The following MYO1D variants were observed in gnomAD, a reference collection of about 807,000 sequenced individuals.
MYO1D encodes the protein unconventional myosin-Id.
Under a neutral mutation model 122.0 loss-of-function variants are expected in MYO1D, and 83 were observed. The observed-to-expected ratio is 0.68, with a 90% CI of 0.57 to 0.82. The LOEUF is 0.82. Among genes scored for constraint, MYO1D ranks in the 40% least tolerant of loss-of-function variants. The pLI is 0.00. For synonymous variants in MYO1D, 464 were observed against 446.9 expected (o/e 1.04, Z -0.48); for missense variants, 1,157 against 1,269.5 (o/e 0.91, Z 1.35).
chr17:32,728,898 C>G (rs867684813), intron 14 of MYO1D, among the ~76,000 whole-genome samples: 9 of 152,140 alleles, frequency 5.9e-5, no homozygotes, highest in African/African-American at 2.2e-4. Flanking sequence ...CACTAACAAC[C>G]AACTAAGAAA....
chr17:32,747,155 T>C (rs2089846294), intron 12 of MYO1D, among the ~76,000 whole-genome samples: 1 of 152,236 alleles, frequency 6.6e-6, no homozygotes, highest in South Asian at 2.1e-4. Context: ...GCCATATTAT[T>C]TTATGGTCCT....
intron 1 of MYO1D, among the ~76,000 whole-genome samples, chr17:32,837,972 ATACTT>A (rs61309257): frequency 0.41 from 61,613 of 151,428 alleles, 12,757 homozygotes; most frequent in East Asian, 0.53. Flanking sequence ...TTTTCATATA[ATACTT>A]TACAACATTT....
chr17:32,728,674 C>G (rs765071567), intron 14 of MYO1D, among the ~76,000 whole-genome samples: 1 of 152,070 alleles, frequency 6.6e-6, no homozygotes, highest in Non-Finnish European at 1.5e-5. Context: ...AAGAAAAATA[C>G]TTCTGAACAA....
intron 12 of MYO1D, among the ~76,000 whole-genome samples, chr17:32,745,919 C>T (rs1242516618): frequency 6.6e-6 from 1 of 152,184 alleles, no homozygotes; most frequent in Admixed American, 6.5e-5. Context: ...CTCCCAGTGA[C>T]TGGCATGGAC....
chr17:32,842,840 G>T (rs146442872), intron 1 of MYO1D, among the ~76,000 whole-genome samples: 1 of 149,036 alleles, frequency 6.7e-6, no homozygotes, highest in African/African-American at 2.5e-5. Flanking sequence ...CAAGTTTTTC[G>T]TACTCAACAC....
At chr17:32,636,494 G>T (rs966200802) in intron 20 of MYO1D, among the ~76,000 whole-genome samples, 12 of 152,218 alleles carry the variant, frequency 7.9e-5, no homozygotes, top group African/African-American at 2.7e-4. Flanking sequence ...GACAGGTCTA[G>T]TTGGAAGTTC....
chr17:32,808,359 CCTGT>C (rs2090538209), intron 1 of MYO1D, among the ~76,000 whole-genome samples: 1 of 149,154 alleles, frequency 6.7e-6, no homozygotes, highest in South Asian at 2.1e-4. Flanking sequence ...TGGATGAGAG[CCTGT>C]CTCTTTAAAA....
intron 1 of MYO1D, among the ~76,000 whole-genome samples, chr17:32,793,380 C>G (rs1355847277): frequency 7.3e-5 from 11 of 149,832 alleles, no homozygotes; most frequent in African/African-American, 2.7e-4. Context: ...TCTCTCTGTT[C>G]CAGAAAAGAT....
chr17:32,760,734 A>T, intron 8 of MYO1D, 107 bp from the exon 9 acceptor site: 2 of 1,185,956 alleles, frequency 1.7e-6, no homozygotes, highest in Non-Finnish European at 2.4e-6. Context: ...TGTTTAGCAT[A>T]GCCATTACTG....
chr17:32,719,314 G>A (rs2089481744), intron 15 of MYO1D, among the ~76,000 whole-genome samples: 1 of 151,292 alleles, frequency 6.6e-6, no homozygotes, highest in African/African-American at 2.4e-5. Flanking sequence ...CCTGTTTCCT[G>A]GACTCCTGCA....
intron 20 of MYO1D, among the ~76,000 whole-genome samples, chr17:32,627,072 C>G (rs766252970): frequency 5.3e-5 from 8 of 152,056 alleles, no homozygotes; most frequent in Non-Finnish European, 1.2e-4. Context: ...TGTTATAACA[C>G]GCAGAACTAT....
intron 14 of MYO1D, among the ~76,000 whole-genome samples, chr17:32,730,464 T>C (rs933291889): frequency 5.9e-5 from 9 of 152,262 alleles, no homozygotes; most frequent in Non-Finnish European, 1.2e-4. Context: ...CTTAGTATAC[T>C]CTTCCTATTG....
intron 21 of MYO1D, among the ~76,000 whole-genome samples, chr17:32,516,386 T>C (rs1909891259): frequency 6.6e-6 from 1 of 152,220 alleles, no homozygotes; most frequent in Admixed American, 6.5e-5. Flanking sequence ...CTCAAGTTCA[T>C]TTGACTGCTC....
rs959349697 is a variant in MYO1D at position 32,742,046 on chromosome 17, A to T, written c.1613+3165T>A. Among the ~76,000 whole-genome samples, 129 of 151,682 alleles carry T rather than the reference A, an allele frequency of 8.5e-4. 1 individual carries two copies. Among genetic ancestry groups the T allele is most frequent in the Non-Finnish European group, 1.4e-3 (95 of 67,892 alleles). On this transcript the variant is annotated intron_variant, in intron 13 of 21. Coordinates refer to ENST00000318217, the MANE Select transcript of MYO1D (RefSeq NM_015194.3). ...AAAAAAAAAAGTAAATTAAAAAAAAAATTTTTTTTAAAGATGTTTGTGCCT... is the reference window on the plus strand; with the variant it reads ...AAAAAAAAAAGTAAATTAAAAAAAATATTTTTTTTAAAGATGTTTGTGCCT...
chr17:32,686,616 A>C (rs1302582361), intron 16 of MYO1D: 2 of 152,232 alleles, frequency 1.3e-5, no homozygotes, highest in Non-Finnish European at 1.5e-5. Flanking sequence ...CTGTAATCCC[A>C]GTACTTTGGG....
At chr17:32,848,914 T>C (rs1029801406) in intron 1 of MYO1D, among the ~76,000 whole-genome samples, 1 of 152,200 alleles carries the variant, frequency 6.6e-6, no homozygotes, top group Non-Finnish European at 1.5e-5. Flanking sequence ...CACTGCCAAG[T>C]TCCCTAACAT....
intron 1 of MYO1D, among the ~76,000 whole-genome samples, chr17:32,836,268 G>A (rs560342049): frequency 1.3e-5 from 2 of 152,310 alleles, no homozygotes; most frequent in African/African-American, 4.8e-5. Context: ...ATTTAGAGAA[G>A]AGCATACTGA....
chr17:32,638,943 C>A, intron 19 of MYO1D, 108 bp from the exon 20 acceptor site: 1 of 694,604 alleles, frequency 1.4e-6, no homozygotes, highest in Non-Finnish European at 2.6e-6. Context: ...TATGGCCACT[C>A]TACTGGATGC....
At chr17:32,628,281 T>A (rs2087954435) in intron 20 of MYO1D, among the ~76,000 whole-genome samples, 1 of 151,348 alleles carries the variant, frequency 6.6e-6, no homozygotes, top group South Asian at 2.1e-4. Flanking sequence ...TAATGCAGAT[T>A]CCAGTTGGCT....
Sources: allele counts gnomAD v4.1 joint callset (sites outside exome capture counted in the v4.1 genomes callset), GRCh38; gene constraint gnomAD v4.1.1; transcripts MANE v1.5; gene names NCBI Gene and HGNC (gene_info 2026-07-23, HGNC 2026-07-21).